Variants in ERCC6L2 observed in about 807,000 individuals in gnomAD.
ERCC6L2 encodes the protein ERCC excision repair 6 like 2.
A neutral mutation model predicts 132.0 loss-of-function variants in ERCC6L2; 77 were observed. The ratio of observed to expected loss-of-function variants is 0.58; its 90% CI spans 0.49 to 0.71. The LOEUF (loss-of-function observed/expected upper bound fraction) is 0.71, where lower values mean the gene tolerates loss of function less well. Ranked by LOEUF, ERCC6L2 falls within the 30% of genes least tolerant of loss-of-function variation. ERCC6L2 has a pLI of 0.00. For missense variants in ERCC6L2, 1,542 were observed against 1,837.6 expected (o/e 0.84, Z 2.94); for synonymous variants, 583 against 632.4 (o/e 0.92, Z 1.17).
chr9:95,941,595 C>A, intron 12 of ERCC6L2, 46 bp downstream of exon 12: 1 of 1,349,966 alleles, frequency 7.4e-7, no homozygotes, highest in Non-Finnish European at 1.1e-6. Flanking sequence ...TACTTTTAAT[C>A]TAAAAATACT....
At chr9:95,982,965 A>G (rs950083121) in intron 17 of ERCC6L2, among the ~76,000 whole-genome samples, 1 of 152,210 alleles carries the variant, frequency 6.6e-6, no homozygotes, top group Non-Finnish European at 1.5e-5. Context: ...ACCAGGATTC[A>G]TGCACTAATG....
chr9:96,020,485 C>T (rs1011119268), downstream of ERCC6L2: 1 of 326,792 alleles, frequency 3.1e-6, no homozygotes, highest in Non-Finnish European at 6.0e-6. Context: ...GAATCGGCCC[C>T]GCGGAGCCCA....
intron 17 of ERCC6L2, among the ~76,000 whole-genome samples, chr9:95,997,758 G>A (rs1409694280): frequency 6.6e-6 from 1 of 151,984 alleles, no homozygotes; most frequent in Admixed American, 6.6e-5. Flanking sequence ...CTGTTTCATC[G>A]TGTTGCCACA....
chr9:96,019,726 C>T (rs690601), downstream of ERCC6L2: 21 of 152,086 alleles, frequency 1.4e-4, no homozygotes, highest in African/African-American at 5.1e-4. Context: ...CCGAGAAATA[C>T]CTGGGTTAAT....
intron 1 of ERCC6L2, among the ~76,000 whole-genome samples, chr9:95,877,668 A>G (rs1827352641): frequency 6.6e-6 from 1 of 151,990 alleles, no homozygotes. Flanking sequence ...TTAGCCAGGC[A>G]TGGTGGTGCA....
chr9:96,011,787 GTCTT>G (rs1588055290), intron 18 of ERCC6L2, among the ~76,000 whole-genome samples: 1 of 152,170 alleles, frequency 6.6e-6, no homozygotes, highest in Non-Finnish European at 1.5e-5. Flanking sequence ...GGAAAAAAAT[GTCTT>G]TCTTAATTTT....
chr9:96,029,594 C>T (rs936929641), intron 19 of ERCC6L2, among the ~76,000 whole-genome samples: 1 of 151,966 alleles, frequency 6.6e-6, no homozygotes, highest in Non-Finnish European at 1.5e-5. Context: ...TGAGGGATTC[C>T]TTTTGCAAAA....
chr9:95,909,436 C>G (rs1198617341), intron 4 of ERCC6L2, among the ~76,000 whole-genome samples: 1 of 152,136 alleles, frequency 6.6e-6, no homozygotes, highest in African/African-American at 2.4e-5. Context: ...CAGGACTTTT[C>G]TTTTACCTCT....
intron 16 of ERCC6L2, among the ~76,000 whole-genome samples, chr9:95,974,936 T>C (rs117182166): frequency 0.012 from 1,753 of 152,244 alleles, 39 homozygotes; most frequent in Admixed American, 0.063. Flanking sequence ...ATTTCTACAA[T>C]ATTGATAATT....
chr9:95,897,697 A>G, intron 2 of ERCC6L2, 152 bp from the exon 3 acceptor site: 1 of 739,250 alleles, frequency 1.4e-6, no homozygotes, highest in Non-Finnish European at 2.1e-6. Flanking sequence ...TATTACAAAT[A>G]AAGAAAATCA....
rs762054429 is a variant in ERCC6L2 at position 95,876,125 on chromosome 9, A to C, written c.46+41A>C. On this transcript the variant is annotated intron_variant, in intron 1 of 18. Coordinates refer to ENST00000653738, the MANE Select transcript of ERCC6L2 (RefSeq NM_020207.7). ...TCGCCCCTTACGCAGAGGCCTGTGTACTGCGTCGCGTTGGACCAGTTCTTG... is the reference window on the plus strand; with the variant it reads ...TCGCCCCTTACGCAGAGGCCTGTGTCCTGCGTCGCGTTGGACCAGTTCTTG... The C allele has an allele frequency of 2.6e-5, 40 of 1,528,976 alleles. 1 individual carries two copies. In the South Asian group the frequency reaches 4.7e-4, roughly 18 times the overall value. 94.7% of individuals were successfully genotyped at this position (1,528,976 alleles called of 1,614,324 possible). A position where few individuals can be genotyped will look rare whatever the true frequency, so the allele number is the denominator to read the frequency against.
intron 19 of ERCC6L2, among the ~76,000 whole-genome samples, chr9:96,024,697 T>C (rs767430171): frequency 6.6e-6 from 1 of 152,222 alleles, no homozygotes; most frequent in Non-Finnish European, 1.5e-5. Context: ...ATCTTCACCA[T>C]AGCCCAATCA....
chr9:95,960,596 G>A (rs1455134539), intron 13 of ERCC6L2, among the ~76,000 whole-genome samples: 3 of 152,080 alleles, frequency 2.0e-5, no homozygotes, highest in Admixed American at 6.6e-5. Flanking sequence ...GGCAGCCACC[G>A]CAAGCTGGAA....
At chr9:95,980,916 CTT>C (rs1486623249) in intron 17 of ERCC6L2, among the ~76,000 whole-genome samples, 2 of 152,164 alleles carry the variant, frequency 1.3e-5, no homozygotes, top group African/African-American at 2.4e-5. Flanking sequence ...AATCTAGAAT[CTT>C]TTCGGTTCCT....
chr9:96,004,198 G>A (rs72743908), intron 17 of ERCC6L2, among the ~76,000 whole-genome samples: 11,376 of 152,178 alleles, frequency 0.075, 483 homozygotes, highest in Non-Finnish European at 0.091. Context: ...CCATGTTTAT[G>A]CCATAGTGTA....
chr9:95,907,402 G>T (rs530757914), intron 4 of ERCC6L2, 131 bp downstream of exon 4: 2 of 678,118 alleles, frequency 2.9e-6, no homozygotes, highest in Admixed American at 4.4e-5. Flanking sequence ...ACGGAGTTTC[G>T]CCACGTTGCC....
intron 11 of ERCC6L2, among the ~76,000 whole-genome samples, chr9:95,940,509 T>C (rs1830748609): frequency 6.6e-6 from 1 of 152,128 alleles, no homozygotes; most frequent in African/African-American, 2.4e-5. Flanking sequence ...TAAGTGTATG[T>C]TGTTTAGTTT....
intron 3 of ERCC6L2, among the ~76,000 whole-genome samples, chr9:95,902,187 A>T (rs1402292092): frequency 6.6e-6 from 1 of 152,204 alleles, no homozygotes; most frequent in African/African-American, 2.4e-5. Context: ...TTGTGCCAAG[A>T]ATAAATTCTT....
rs533967553 is a variant in ERCC6L2 at position 95,928,078 on chromosome 9, G to C, written c.1534-1G>C. The C allele has an allele frequency of 6.2e-7, 1 of 1,611,106 alleles. No individual in the cohort carries two copies. Among genetic ancestry groups the C allele is most frequent in the South Asian group, 1.1e-5 (1 of 90,934 alleles). ...ACTGATTTTCTGTGGTTCATTTTCA[G>C]GTCCTTCAGCAGCTTTTAAATCATT... is the stretch of plus-strand genomic sequence containing the variant. On this transcript the variant is annotated splice_acceptor_variant, in intron 9 of 18. Coordinates refer to ENST00000653738, the MANE Select transcript of ERCC6L2 (RefSeq NM_020207.7). LOFTEE classifies it high-confidence loss of function.
Sources: gnomAD v4.1 joint callset for allele counts (sites outside exome capture counted in the v4.1 genomes callset) on GRCh38, gnomAD v4.1.1 for gene constraint, MANE v1.5 for transcripts, NCBI Gene and HGNC (gene_info 2026-07-23, HGNC 2026-07-21) for gene names.